COLEC12: variants seen among roughly 807,000 people sequenced by gnomAD.
COLEC12 encodes the protein collectin subfamily member 12.
A neutral mutation model predicts 71.1 loss-of-function variants in COLEC12; 33 were observed. The ratio of observed to expected loss-of-function variants is 0.46; its 90% CI spans 0.35 to 0.62. COLEC12 has a LOEUF of 0.62. COLEC12 is among the 20% of genes least tolerant of loss of function. The probability of loss-of-function intolerance (pLI) is 0.00; values close to 1 mark genes in which losing one functional copy is unlikely to be tolerated. For synonymous variants in COLEC12, 350 were observed against 353.0 expected (o/e 0.99, Z 0.10); for missense variants, 765 against 916.1 (o/e 0.84, Z 2.13).
At chr18:373,736 C>A (rs375808355) in intron 2 of COLEC12, among the ~76,000 whole-genome samples, 4 of 152,204 alleles carry the variant, frequency 2.6e-5, no homozygotes, top group East Asian at 1.9e-4. Context: ...CCACCTCCCC[C>A]CAAGAATTCT....
intron 2 of COLEC12, among the ~76,000 whole-genome samples, chr18:472,744 C>G (rs550314435): frequency 6.8e-6 from 1 of 147,004 alleles, no homozygotes; most frequent in East Asian, 2.1e-4. Context: ...AGAAAATAGA[C>G]TCCTTTGGAA....
intron 2 of COLEC12, among the ~76,000 whole-genome samples, chr18:456,113 A>AAGGTACTGCATAGGTACTAT (rs1288119538): frequency 6.6e-6 from 1 of 152,128 alleles, no homozygotes; most frequent in East Asian, 1.9e-4. Flanking sequence ...CCTTCTATGG[A>AAGGTACTGCATAGGTACTAT]GCATTTTACT....
chr18:464,214 T>C (rs976344726), intron 2 of COLEC12, among the ~76,000 whole-genome samples: 17 of 152,210 alleles, frequency 1.1e-4, no homozygotes, highest in Non-Finnish European at 2.2e-4. Context: ...CGAGTCACTT[T>C]TGTCCTCTTA....
chr18:453,780 A>G (rs775010008), intron 2 of COLEC12, among the ~76,000 whole-genome samples: 1 of 152,164 alleles, frequency 6.6e-6, no homozygotes, highest in Non-Finnish European at 1.5e-5. Context: ...ATAAAGACAA[A>G]ATTCAAAATC....
At chr18:494,763 GA>G (rs1917679340) in intron 1 of COLEC12, among the ~76,000 whole-genome samples, 1 of 152,186 alleles carries the variant, frequency 6.6e-6, no homozygotes, top group Non-Finnish European at 1.5e-5. Context: ...TGGGGCAAAA[GA>G]AATGTGGCTT....
Position 335,250 on chromosome 18 carries a change from G to A in COLEC12, c.1328-20C>T, listed in dbSNP as rs201772201. The A allele has an allele frequency of 1.3e-6, 2 of 1,518,734 alleles. No individual in the cohort carries two copies. Among genetic ancestry groups the A allele is most frequent in the East Asian group, 2.4e-5 (1 of 42,016 alleles). The allele number at this position is 1,518,734 out of a possible 1,614,324, so 94.1% of individuals were successfully genotyped here. A position where few individuals can be genotyped will look rare whatever the true frequency, so the allele number is the denominator to read the frequency against. ...GTGGACCTAAAGCATAAAAGAAAAA[G>A]GTGTCAACATGAAATCCACTGTGAA... On this transcript the variant is annotated intron_variant, in intron 5 of 9. Transcript: ENST00000400256.
intron 2 of COLEC12, among the ~76,000 whole-genome samples, chr18:425,087 T>C (rs959452897): frequency 2.0e-5 from 3 of 152,152 alleles, no homozygotes; most frequent in Non-Finnish European, 4.4e-5. Flanking sequence ...ATCTGTAACC[T>C]CTCAGACTGG....
intron 2 of COLEC12, among the ~76,000 whole-genome samples, chr18:440,071 C>A (rs539811826): frequency 6.6e-6 from 1 of 150,744 alleles, no homozygotes; most frequent in Non-Finnish European, 1.5e-5. Flanking sequence ...ATGGATGAAA[C>A]TGGAGGATAT....
intron 2 of COLEC12, among the ~76,000 whole-genome samples, chr18:358,325 A>G (rs1914671587): frequency 6.6e-6 from 1 of 152,168 alleles, no homozygotes; most frequent in East Asian, 1.9e-4. Flanking sequence ...TTTATTGTGT[A>G]CTTTATCTCT....
chr18:355,322 G>A (rs111620777), intron 3 of COLEC12, among the ~76,000 whole-genome samples: 62 of 152,176 alleles, frequency 4.1e-4, no homozygotes, highest in African/African-American at 1.2e-3. Flanking sequence ...TTCAGCTTTC[G>A]GGAGCTGCCA....
In COLEC12 at chr18:362,382, C is replaced by G. The variant is rs1362784402; in HGVS notation, c.59-4860G>C. ...GTTTTATCTTCCTCTCTGCCCTCCG[C>G]TGGGAGGACATCTGGCCAAACACAC... On this transcript the variant is annotated intron_variant, in intron 2 of 9. Coordinates refer to ENST00000400256, the MANE Select transcript of COLEC12 (RefSeq NM_130386.3). The surrounding 1 kb of genome is among the most constrained non-coding windows in gnomAD (Gnocchi z 4.6). Among the ~76,000 whole-genome samples the G allele has an allele frequency of 6.6e-6, 1 of 152,158 alleles. No homozygotes were observed. The highest frequency in any genetic ancestry group is 6.5e-5 in the Admixed American group (1 of 15,284).
At chr18:454,619 T>A (rs757210534) in intron 2 of COLEC12, among the ~76,000 whole-genome samples, 1 of 152,070 alleles carries the variant, frequency 6.6e-6, no homozygotes, top group Non-Finnish European at 1.5e-5. Flanking sequence ...GTGGTGGAGG[T>A]TGCAGTGAGC....
At chr18:457,618 C>T (rs937959622) in intron 2 of COLEC12, among the ~76,000 whole-genome samples, 4 of 152,104 alleles carry the variant, frequency 2.6e-5, no homozygotes, top group Non-Finnish European at 5.9e-5. Context: ...TGAGCAGTTG[C>T]GAAATGGATG....
intron 2 of COLEC12, among the ~76,000 whole-genome samples, chr18:473,634 AT>A (rs1822219273): frequency 6.6e-6 from 1 of 152,226 alleles, no homozygotes; most frequent in Non-Finnish European, 1.5e-5. Context: ...AAGTGCTGGG[AT>A]TACAGGCGTA....
rs1917401871 is a variant in COLEC12, at chr18:480,857, G to C, written c.8-100C>G. Reference sequence around the variant, plus strand: ...TGCTTCATCGCCCCTGCTTGTCACAGCAGCTTTCCTTCTGCTCGTGGATCG... The same window carrying C: ...TGCTTCATCGCCCCTGCTTGTCACACCAGCTTTCCTTCTGCTCGTGGATCG... On this transcript the variant is annotated intron_variant, in intron 1 of 9. Transcript: ENST00000400256. The surrounding 1 kb of genome is among the most constrained non-coding windows in gnomAD (Gnocchi z 4.1). The C allele has an allele frequency of 3.9e-6, 4 of 1,036,276 alleles. No individual in the cohort carries two copies. Among genetic ancestry groups the C allele is most frequent in the South Asian group, 3.8e-5 (3 of 78,960 alleles). 64.2% of individuals were successfully genotyped at this position (1,036,276 alleles called of 1,614,324 possible).
intron 8 of COLEC12, among the ~76,000 whole-genome samples, chr18:324,395 G>A (rs555769258): frequency 2.2e-4 from 33 of 152,198 alleles, no homozygotes; most frequent in African/African-American, 6.3e-4. Flanking sequence ...AGAAGTGAGC[G>A]GTAGCAGCAC....
At chr18:391,247 C>T (rs1157511968) in intron 2 of COLEC12, among the ~76,000 whole-genome samples, 1 of 152,166 alleles carries the variant, frequency 6.6e-6, no homozygotes, top group Non-Finnish European at 1.5e-5. Flanking sequence ...GGAGATTACA[C>T]ATTCTCTTAT....
chr18:332,401 A>G (rs1039567712), intron 7 of COLEC12, among the ~76,000 whole-genome samples: 2 of 152,148 alleles, frequency 1.3e-5, no homozygotes, highest in Non-Finnish European at 2.9e-5. Flanking sequence ...AAAGCGCTGC[A>G]TTGTTGCTAG....
intron 2 of COLEC12, among the ~76,000 whole-genome samples, chr18:437,926 A>C (rs538137118): frequency 1.3e-5 from 2 of 152,370 alleles, no homozygotes; most frequent in African/African-American, 4.8e-5. Context: ...TTGATCTGTC[A>C]TCTCATAGCA....
Sources: allele counts gnomAD v4.1 joint callset (sites outside exome capture counted in the v4.1 genomes callset), GRCh38; gene constraint gnomAD v4.1.1; non-coding constraint Gnocchi (gnomAD v3.1); transcripts MANE v1.5; gene names NCBI Gene and HGNC (gene_info 2026-07-23, HGNC 2026-07-21).